Variants in VAV3 observed in about 807,000 individuals in gnomAD.
VAV3 encodes vav guanine nucleotide exchange factor 3.
Under a neutral mutation model 131.2 loss-of-function variants are expected in VAV3, and 94 were observed. The observed-to-expected ratio is 0.72, with a 90% CI of 0.61 to 0.85. The LOEUF (loss-of-function observed/expected upper bound fraction) is 0.85. Ranked by LOEUF, VAV3 falls within the 40% of genes least tolerant of loss-of-function variation. The pLI is 0.00. For synonymous variants in VAV3, 349 were observed against 342.0 expected, an observed-to-expected ratio of 1.02 and a Z score of -0.22; for missense variants, 939 against 1,002.7, an observed-to-expected ratio of 0.94 and a Z score of 0.86.
At chr1:107,816,599 A>C (rs766823419) in intron 2 of VAV3, among the ~76,000 whole-genome samples, 1 of 152,192 alleles carries the variant, frequency 6.6e-6, no homozygotes. Context: ...ATAGGGGTTC[A>C]TTGGTATTTA....
chr1:107,846,938 G>A (rs1271299635), intron 2 of VAV3, among the ~76,000 whole-genome samples: 1 of 152,142 alleles, frequency 6.6e-6, no homozygotes, highest in Non-Finnish European at 1.5e-5. Context: ...GACATCTACA[G>A]AACTCTCCAC....
intron 18 of VAV3, 59 bp downstream of exon 18, chr1:107,688,322 A>C: frequency 6.3e-7 from 1 of 1,582,378 alleles, no homozygotes; most frequent in Non-Finnish European, 8.6e-7. Context: ...AGCCTGGTTA[A>C]GTTAGCAAAC....
chr1:107,746,748 A>G (rs1663370694), intron 15 of VAV3, among the ~76,000 whole-genome samples: 1 of 152,200 alleles, frequency 6.6e-6, no homozygotes, highest in Non-Finnish European at 1.5e-5. Flanking sequence ...GGAATCCATA[A>G]AAGTGGGATT....
chr1:107,757,702 A>G (rs1452306740), intron 10 of VAV3, among the ~76,000 whole-genome samples: 6 of 152,106 alleles, frequency 3.9e-5, no homozygotes, highest in African/African-American at 1.4e-4. Context: ...CTTTCATTTC[A>G]GGGACATCAG....
Position 107,572,232 on chromosome 1 carries a change from A to G in VAV3, c.*1099T>C, listed in dbSNP as rs1649312391. On this transcript the variant is annotated 3_prime_UTR_variant, in exon 27 of 27. Coordinates refer to ENST00000370056, the MANE Select transcript of VAV3 (RefSeq NM_006113.5). The stretch of plus-strand genomic sequence containing the variant: ...ATGGGCTGCAGAGGGGGAGACTCTG[A>G]GAGAAGCTGGAGGCCCACAAAAGTC... 1 of 152,226 alleles carries G rather than the reference A, an allele frequency of 6.6e-6. No homozygotes were observed. Among genetic ancestry groups the G allele is most frequent in the African/African-American group, 2.4e-5 (1 of 41,448 alleles). 9.4% of individuals were successfully genotyped at this position (152,226 alleles called of 1,614,324 possible).
chr1:107,814,288 T>C (rs1455999710), intron 2 of VAV3, among the ~76,000 whole-genome samples: 4 of 152,176 alleles, frequency 2.6e-5, no homozygotes, highest in Non-Finnish European at 4.4e-5. Flanking sequence ...AGAGTTCCTG[T>C]TCTCCACATT....
intron 25 of VAV3, among the ~76,000 whole-genome samples, chr1:107,580,573 T>C (rs928563215): frequency 1.2e-4 from 19 of 152,146 alleles, no homozygotes; most frequent in Non-Finnish European, 2.4e-4. Context: ...ATTTTAAGGA[T>C]TGGTAGGGAT....
intron 21 of VAV3, among the ~76,000 whole-genome samples, chr1:107,611,378 T>G (rs947964501): frequency 2.0e-5 from 3 of 152,100 alleles, no homozygotes; most frequent in Non-Finnish European, 4.4e-5. Flanking sequence ...CAGCAATTAA[T>G]GTTGAAGGTA....
chr1:107,783,136 G>A (rs890633136), intron 2 of VAV3, among the ~76,000 whole-genome samples: 60 of 152,198 alleles, frequency 3.9e-4, no homozygotes, highest in African/African-American at 1.3e-3. Context: ...GAGCTACTTT[G>A]TGAGGCAGGT....
chr1:107,913,078 G>C (rs1205639832), intron 1 of VAV3, among the ~76,000 whole-genome samples: 2 of 152,120 alleles, frequency 1.3e-5, no homozygotes, highest in Non-Finnish European at 2.9e-5. Context: ...AAACTATATA[G>C]ATTTTATCCT....
chr1:107,661,322 G>C (rs1656998136), intron 19 of VAV3, among the ~76,000 whole-genome samples: 1 of 152,110 alleles, frequency 6.6e-6, no homozygotes, highest in Non-Finnish European at 1.5e-5. Context: ...CAAAGTGCTT[G>C]CTACCATCCT....
At chr1:107,672,630 G>A (rs193255144) in intron 19 of VAV3, among the ~76,000 whole-genome samples, 6 of 151,986 alleles carry the variant, frequency 3.9e-5, no homozygotes, top group Non-Finnish European at 5.9e-5. Flanking sequence ...TTCGATAAAT[G>A]TAAGATTGAT....
intron 13 of VAV3, among the ~76,000 whole-genome samples, 183 bp downstream of exon 13, chr1:107,750,934 G>C (rs1270254486): frequency 3.9e-5 from 6 of 152,060 alleles, no homozygotes; most frequent in Admixed American, 3.9e-4. Flanking sequence ...ATAGATACCA[G>C]AACCCAGGTG....
intron 2 of VAV3, among the ~76,000 whole-genome samples, chr1:107,859,475 C>T (rs1231363276): frequency 1.3e-5 from 2 of 151,910 alleles, no homozygotes; most frequent in African/African-American, 2.4e-5. Context: ...GAATAATTCT[C>T]GATGACTGAT....
At position 107,805,973 on chromosome 1, in the gene VAV3, C is replaced by T. The variant is rs1667041476; in HGVS notation, c.322-26481G>A. Among the ~76,000 whole-genome samples, 3 of 152,234 alleles carry T rather than the reference C, an allele frequency of 2.0e-5. No individual in the cohort carries two copies. In the Middle Eastern group the frequency reaches 0.01, roughly 518 times the overall value. ...GATACTAGCAGTGTGGGGAGGCTGG[C>T]TCAGGGTTTGTGCCCAGGATATCTG... On this transcript the variant is annotated intron_variant, in intron 2 of 26. Transcript: ENST00000370056.
At chr1:107,688,068 C>A (rs17229661) in intron 18 of VAV3, among the ~76,000 whole-genome samples, 1 of 152,082 alleles carries the variant, frequency 6.6e-6, no homozygotes. Context: ...CATTTCATGA[C>A]GGGGACGCAT....
chr1:107,652,146 A>G (rs1325038251), intron 19 of VAV3, among the ~76,000 whole-genome samples: 1 of 152,152 alleles, frequency 6.6e-6, no homozygotes, highest in Non-Finnish European at 1.5e-5. Context: ...GACCTTGCTG[A>G]TAAAACAGAT....
At chr1:107,588,678 A>G (rs1650694899) in intron 25 of VAV3, among the ~76,000 whole-genome samples, 1 of 152,228 alleles carries the variant, frequency 6.6e-6, no homozygotes, top group South Asian at 2.1e-4. Flanking sequence ...ACATCATACT[A>G]GCAGCATTTC....
intron 20 of VAV3, among the ~76,000 whole-genome samples, chr1:107,636,917 C>T (rs1202515049): frequency 6.6e-6 from 1 of 152,072 alleles, no homozygotes; most frequent in Non-Finnish European, 1.5e-5. Flanking sequence ...AGTGAGCAAA[C>T]ACCCTACCTT....
Sources: gnomAD v4.1 joint callset for allele counts (sites outside exome capture counted in the v4.1 genomes callset) on GRCh38, gnomAD v4.1.1 for gene constraint, MANE v1.5 for transcripts, NCBI Gene and HGNC (gene_info 2026-07-23, HGNC 2026-07-21) for gene names.